PLCB1: variants seen among roughly 807,000 people sequenced by gnomAD.
PLCB1 encodes 1-phosphatidylinositol 4,5-bisphosphate phosphodiesterase beta-1.
Under a neutral mutation model 161.8 loss-of-function variants are expected in PLCB1, and 46 were observed. That is an observed-to-expected ratio of 0.28 (90% CI 0.22 to 0.36). The LOEUF is 0.36. Among genes scored for constraint, PLCB1 ranks in the 10% least tolerant of loss-of-function variants. The probability of loss-of-function intolerance (pLI) is 1.00; values close to 1 mark genes in which losing one functional copy is unlikely to be tolerated. For synonymous variants in PLCB1, 517 were observed against 503.7 expected (o/e 1.03, Z -0.35); for missense variants, 1,016 against 1,472.5 (o/e 0.69, Z 5.07).
Position 8,765,350 on chromosome 20 carries a change from T to C in PLCB1, c.2922T>C (p.Ser974=). 6.2e-7 allele frequency: 1 copy of C among 1,602,262 alleles called. No homozygotes were observed. Among genetic ancestry groups the C allele is most frequent in the Non-Finnish European group, 8.5e-7 (1 of 1,174,210 alleles). The change falls in exon 26 of 32, where the codon AGT becomes AGC. Residue 974 remains serine (S), a synonymous_variant. Coordinates refer to ENST00000338037, the MANE Select transcript of PLCB1 (RefSeq NM_015192.4). Reference sequence around the variant, plus strand: ...TGGAAAAGTCCGCCAAAAAGGACAGTAAGAAAAAGTAAGTTCAATGAATAT... The same window carrying C: ...TGGAAAAGTCCGCCAAAAAGGACAGCAAGAAAAAGTAAGTTCAATGAATAT... ...AALEKSAKKD[S]KKKSEPSSPD...
At chr20:8,750,510 A>T (rs557146800) in intron 23 of PLCB1, among the ~76,000 whole-genome samples, 94 of 152,332 alleles carry the variant, frequency 6.2e-4, no homozygotes, top group African/African-American at 2.2e-3. Flanking sequence ...ACTTGATCAC[A>T]TATAAATCCC....
intron 11 of PLCB1, among the ~76,000 whole-genome samples, chr20:8,703,636 A>C (rs1978496262): frequency 6.6e-6 from 1 of 152,216 alleles, no homozygotes; most frequent in Non-Finnish European, 1.5e-5. Flanking sequence ...TAAGCCAAGC[A>C]CACAAGATCA....
intron 23 of PLCB1, among the ~76,000 whole-genome samples, chr20:8,746,120 C>T (rs577763928): frequency 1.6e-4 from 25 of 152,190 alleles, no homozygotes; most frequent in Middle Eastern, 3.4e-3. Context: ...TTAGTAGAGA[C>T]GGGGTTTCAC....
intron 2 of PLCB1, among the ~76,000 whole-genome samples, chr20:8,175,575 GA>G (rs1326353507): frequency 6.6e-6 from 1 of 151,936 alleles, no homozygotes; most frequent in African/African-American, 2.4e-5. Context: ...AAACTTTTAG[GA>G]AAACACATAG....
At chr20:8,868,717 C>G (rs549737591) in intron 31 of PLCB1, among the ~76,000 whole-genome samples, 1 of 152,152 alleles carries the variant, frequency 6.6e-6, no homozygotes, top group South Asian at 2.1e-4. Context: ...CTTCAACCTC[C>G]GCCTCCCAGG....
intron 3 of PLCB1, among the ~76,000 whole-genome samples, chr20:8,382,636 C>T (rs1035975510): frequency 6.6e-6 from 1 of 151,452 alleles, no homozygotes; most frequent in African/African-American, 2.4e-5. Context: ...TTGTGCTCCA[C>T]CTCCCGGGTT....
intron 3 of PLCB1, among the ~76,000 whole-genome samples, chr20:8,495,238 A>G (rs1292131669): frequency 2.0e-5 from 3 of 152,002 alleles, no homozygotes; most frequent in Non-Finnish European, 2.9e-5. Flanking sequence ...CATTATGTCT[A>G]TTTTATACTT....
intron 31 of PLCB1, among the ~76,000 whole-genome samples, chr20:8,854,516 T>G (rs1987001427): frequency 6.6e-6 from 1 of 152,192 alleles, no homozygotes; most frequent in Admixed American, 6.5e-5. Flanking sequence ...TGCCACAAAC[T>G]TAATCAAGAT....
intron 2 of PLCB1, among the ~76,000 whole-genome samples, chr20:8,251,194 A>AG (rs35530123): frequency 2.0e-5 from 3 of 151,946 alleles, no homozygotes; most frequent in African/African-American, 7.2e-5. Context: ...CTCATTTGTG[A>AG]GGGGATGTCC....
At chr20:8,723,250 A>G (rs1437900881) in intron 15 of PLCB1, among the ~76,000 whole-genome samples, 1 of 152,142 alleles carries the variant, frequency 6.6e-6, no homozygotes, top group East Asian at 1.9e-4. Flanking sequence ...ACAGCTTACC[A>G]TGTCTGGCAA....
At chr20:8,522,049 C>T (rs931544023) in intron 3 of PLCB1, among the ~76,000 whole-genome samples, 5 of 152,164 alleles carry the variant, frequency 3.3e-5, no homozygotes, top group Non-Finnish European at 4.4e-5. Context: ...GAAGATTGTC[C>T]TTGAGAGCCA....
At chr20:8,812,115 G>A (rs938808104) in intron 31 of PLCB1, among the ~76,000 whole-genome samples, 4 of 152,032 alleles carry the variant, frequency 2.6e-5, no homozygotes, top group Admixed American at 6.5e-5. Context: ...CAGATCTGGG[G>A]GGCTAGAGCC....
rs1185522073 is a variant in PLCB1, at chr20:8,501,525, C to T, written c.247-126769C>T. Reference sequence around the variant, plus strand: ...CTCAACCCTCTCCCACCTCCTGTGGCCACCTCTCTAGAGAAGCTTCTTCCA... The same window carrying T: ...CTCAACCCTCTCCCACCTCCTGTGGTCACCTCTCTAGAGAAGCTTCTTCCA... On this transcript the variant is annotated intron_variant, in intron 3 of 31. Transcript: ENST00000338037. Among the ~76,000 whole-genome samples, 5 of 152,196 alleles carry T rather than the reference C, an allele frequency of 3.3e-5. No homozygotes were observed. In the South Asian group the frequency reaches 8.3e-4, roughly 25 times the overall value.
chr20:8,355,966 A>G lies in PLCB1; in HGVS notation c.178-15416A>G, dbSNP rs145205628. On this transcript the variant is annotated intron_variant, in intron 2 of 31. Transcript: ENST00000338037. ...ATGCAACAAAATCTCATCATACTGT[A>G]TTTTTTCTTCTTAGCTTTAAAAATA... Among the ~76,000 whole-genome samples, 1,488 of 152,210 alleles carry G rather than the reference A, an allele frequency of 9.8e-3. 28 individuals carry two copies. The highest frequency in any genetic ancestry group is 0.034 in the African/African-American group (1,427 of 41,526).
chr20:8,617,961 T>C (rs933688336), intron 3 of PLCB1, among the ~76,000 whole-genome samples: 3 of 152,190 alleles, frequency 2.0e-5, no homozygotes, highest in African/African-American at 7.2e-5. Flanking sequence ...AGTCAAGAAG[T>C]ATAATAATTT....
chr20:8,546,944 A>T (rs1309059228), intron 3 of PLCB1, among the ~76,000 whole-genome samples: 1 of 152,200 alleles, frequency 6.6e-6, no homozygotes, highest in African/African-American at 2.4e-5. Context: ...TCTGGAGAGC[A>T]TAATTTTGCT....
intron 3 of PLCB1, among the ~76,000 whole-genome samples, chr20:8,500,540 T>TTAA (rs1269721403): frequency 6.6e-6 from 1 of 152,136 alleles, no homozygotes; most frequent in African/African-American, 2.4e-5. Flanking sequence ...TGTACCTGTA[T>TTAA]CAAACAACTA....
At chr20:8,367,587 C>CCTCACT (rs1986753140) in intron 2 of PLCB1, among the ~76,000 whole-genome samples, 1 of 152,120 alleles carries the variant, frequency 6.6e-6, no homozygotes, top group Admixed American at 6.6e-5. Context: ...ATTTTAAGGT[C>CCTCACT]CTCACTCAAA....
At chr20:8,472,788 G>A (rs1347237931) in intron 3 of PLCB1, among the ~76,000 whole-genome samples, 1 of 152,152 alleles carries the variant, frequency 6.6e-6, no homozygotes, top group Admixed American at 6.6e-5. Context: ...TATGATGCAA[G>A]ATAGGGACCA....
Sources: allele counts gnomAD v4.1 joint callset (sites outside exome capture counted in the v4.1 genomes callset), GRCh38; gene constraint gnomAD v4.1.1; transcripts MANE v1.5; gene names NCBI Gene and HGNC (gene_info 2026-07-23, HGNC 2026-07-21).